The following CTNNA2 variants were observed in gnomAD, a reference collection of about 807,000 sequenced individuals.
CTNNA2 encodes the protein catenin alpha 2.
Under a neutral mutation model 101.0 loss-of-function variants are expected in CTNNA2, and 42 were observed. The observed-to-expected ratio is 0.42, with a 90% CI of 0.32 to 0.54. CTNNA2 has a LOEUF of 0.54. Ranked by LOEUF, CTNNA2 falls within the 20% of genes least tolerant of loss-of-function variation. CTNNA2 has a pLI of 0.14. For synonymous variants in CTNNA2, 450 were observed against 456.4 expected, an observed-to-expected ratio of 0.99 and a Z score of 0.18; for missense variants, 871 against 1,223.1, an observed-to-expected ratio of 0.71 and a Z score of 4.29.
intron 1 of CTNNA2, among the ~76,000 whole-genome samples, chr2:79,584,591 T>A (rs1392204581): frequency 6.6e-6 from 1 of 151,914 alleles, no homozygotes; most frequent in Non-Finnish European, 1.5e-5. Flanking sequence ...ATGGCACGAT[T>A]TCAGCTCGCT....
intron 18 of CTNNA2, among the ~76,000 whole-genome samples, chr2:80,624,428 C>G (rs1406591739): frequency 1.3e-5 from 2 of 151,902 alleles, no homozygotes; most frequent in East Asian, 3.9e-4. Flanking sequence ...ACAGCTGTTA[C>G]CTTACACCCA....
chr2:79,817,298 T>A (rs1238230868), intron 3 of CTNNA2, among the ~76,000 whole-genome samples: 1 of 145,252 alleles, frequency 6.9e-6, no homozygotes, highest in African/African-American at 2.5e-5. Flanking sequence ...AAGTGCAGAA[T>A]AATGTATTTC....
At chr2:80,141,697 A>G (rs898587081) in intron 7 of CTNNA2, among the ~76,000 whole-genome samples, 2 of 152,066 alleles carry the variant, frequency 1.3e-5, no homozygotes, top group Non-Finnish European at 2.9e-5. Flanking sequence ...CATGGAAATA[A>G]AGGAAAATCT....
At chr2:80,472,502 C>A (rs114045731) in intron 9 of CTNNA2, among the ~76,000 whole-genome samples, 188 of 152,282 alleles carry the variant, frequency 1.2e-3, no homozygotes, top group African/African-American at 4.3e-3. Flanking sequence ...AAACTCTGAA[C>A]ATGCAATACT....
chr2:79,320,490 G>T (rs1381253272), intron 3 of CTNNA2, among the ~76,000 whole-genome samples: 1 of 151,974 alleles, frequency 6.6e-6, no homozygotes, highest in Non-Finnish European at 1.5e-5. Context: ...ACTTAATGAT[G>T]TTGCTCTAAA....
At position 79,416,281 on chromosome 2, in the gene CTNNA2, T is replaced by C. The variant is rs62159397; in HGVS notation, c.-135+42268T>C. 2.5e-5 allele frequency among the ~76,000 whole-genome samples: 3 copies of C among 121,790 alleles called. No homozygotes were observed. The East Asian group carries it at 7.1e-4, about 29-fold the overall frequency. 79.9% of individuals were successfully genotyped at this position (121,790 alleles called of 152,430 possible). On this transcript the variant is annotated intron_variant, in intron 4 of 21. Transcript: ENST00000466387. ...TCTTTTTTTTTTTTTTTTTTTTTTT[T>C]GGCCAATAAAAAGCAATGTCTCCAA...
chr2:79,605,949 A>C (rs1245366896), intron 1 of CTNNA2, among the ~76,000 whole-genome samples: 1 of 152,128 alleles, frequency 6.6e-6, no homozygotes, highest in Non-Finnish European at 1.5e-5. Flanking sequence ...TAAAAATAAA[A>C]TAATACAAGA....
chr2:79,903,211 A>G (rs1225049589), intron 6 of CTNNA2, among the ~76,000 whole-genome samples: 1 of 152,062 alleles, frequency 6.6e-6, no homozygotes, highest in Non-Finnish European at 1.5e-5. Context: ...ATATTTTCAA[A>G]TCCTGCCAGA....
In CTNNA2 at chr2:80,062,702, C is replaced by CTT. The variant is rs70940073; in HGVS notation, c.1056+152925_1056+152926dup. 7.6e-3 allele frequency among the ~76,000 whole-genome samples: 889 copies of CTT among 117,468 alleles called. 13 individuals are homozygous for CTT. The highest frequency in any genetic ancestry group is 0.026 in the African/African-American group (728 of 28,540). 77.1% of individuals were successfully genotyped at this position (117,468 alleles called of 152,430 possible). On this transcript the variant is annotated intron_variant, in intron 7 of 18. Transcript: ENST00000402739. ...CTTCTATGAAGCACTGCACTGTGATCTTTTTTTTTTTTTTTTTTTTTGAGA... is the reference window on the plus strand; with the variant it reads ...CTTCTATGAAGCACTGCACTGTGATCTTTTTTTTTTTTTTTTTTTTTTTGAGA...
chr2:79,218,311 TTGTGTGTGTGTGTGTGTGTG>T (rs60680995), intron 2 of CTNNA2, among the ~76,000 whole-genome samples: 2,937 of 114,758 alleles, frequency 0.026, 60 homozygotes, highest in Middle Eastern at 0.038. Flanking sequence ...TTCATGAACT[TTGTGTGTGTGTGTGTGTGTG>T]TGTGTGTGTG....
intron 3 of CTNNA2, among the ~76,000 whole-genome samples, chr2:79,813,030 C>A (rs61235291): frequency 1.3e-5 from 2 of 152,012 alleles, no homozygotes; most frequent in African/African-American, 4.8e-5. Context: ...GACTGGTTAG[C>A]CACTGCAGTT....
At chr2:80,519,933 ACT>A (rs1350024698) in intron 9 of CTNNA2, among the ~76,000 whole-genome samples, 2 of 152,118 alleles carry the variant, frequency 1.3e-5, no homozygotes, top group Non-Finnish European at 2.9e-5. Context: ...ACATCAGGAG[ACT>A]GGTCACGCCT....
chr2:79,396,583 A>G (rs1271452058), intron 4 of CTNNA2, among the ~76,000 whole-genome samples: 1 of 152,166 alleles, frequency 6.6e-6, no homozygotes, highest in Non-Finnish European at 1.5e-5. Context: ...ATCCATAACT[A>G]TAAAATTTCA....
chr2:80,007,597 T>G (rs1474288389), intron 7 of CTNNA2, among the ~76,000 whole-genome samples: 1 of 152,158 alleles, frequency 6.6e-6, no homozygotes, highest in African/African-American at 2.4e-5. Context: ...CCCAAGCCAT[T>G]AGGAAGATGC....
At chr2:79,347,237 G>A (rs1202164742) in intron 3 of CTNNA2, among the ~76,000 whole-genome samples, 1 of 152,074 alleles carries the variant, frequency 6.6e-6, no homozygotes, top group Non-Finnish European at 1.5e-5. Context: ...ATAAATCTTG[G>A]TGGAAATTTC....
chr2:79,223,870 A>C (rs1674376521), intron 2 of CTNNA2, among the ~76,000 whole-genome samples: 2 of 152,310 alleles, frequency 1.3e-5, no homozygotes, highest in African/African-American at 4.8e-5. Flanking sequence ...TCTGGACTCA[A>C]CCCCTTAGAG....
intron 9 of CTNNA2, among the ~76,000 whole-genome samples, chr2:80,500,075 A>G (rs1433078928): frequency 1.3e-5 from 2 of 152,220 alleles, no homozygotes; most frequent in South Asian, 2.1e-4. Flanking sequence ...GAAGAATGGA[A>G]TATGATTAAA....
intron 7 of CTNNA2, among the ~76,000 whole-genome samples, chr2:80,093,626 G>T (rs1376129298): frequency 1.3e-5 from 2 of 152,044 alleles, no homozygotes; most frequent in East Asian, 3.9e-4. Context: ...CACCAACAGA[G>T]TAAAAGTGTT....
At chr2:79,839,246 A>C (rs1180468825) in intron 3 of CTNNA2, among the ~76,000 whole-genome samples, 1 of 152,044 alleles carries the variant, frequency 6.6e-6, no homozygotes, top group Non-Finnish European at 1.5e-5. Flanking sequence ...ATATTGTGCT[A>C]CTGTCTCCTG....
Sources: gnomAD v4.1 joint callset for allele counts (sites outside exome capture counted in the v4.1 genomes callset) on GRCh38, gnomAD v4.1.1 for gene constraint, MANE v1.5 for transcripts, NCBI Gene and HGNC (gene_info 2026-07-23, HGNC 2026-07-21) for gene names.